SOX5: variants seen among roughly 807,000 people sequenced by gnomAD.
The protein encoded by SOX5 is transcription factor SOX-5.
A neutral mutation model predicts 92.0 loss-of-function variants in SOX5; 9 were observed. The ratio of observed to expected loss-of-function variants is 0.10; its 90% CI spans 0.06 to 0.17. The LOEUF (loss-of-function observed/expected upper bound fraction) is 0.17. Among genes scored for constraint, SOX5 ranks in the 10% least tolerant of loss-of-function variants. SOX5 has a pLI of 1.00. For missense variants in SOX5, 642 were observed against 944.5 expected, an observed-to-expected ratio of 0.68 and a Z score of 4.20; for synonymous variants, 344 against 336.3, an observed-to-expected ratio of 1.02 and a Z score of -0.25.
intron 4 of SOX5, among the ~76,000 whole-genome samples, chr12:24,095,239 G>A (rs1945259520): frequency 6.6e-6 from 1 of 151,516 alleles, no homozygotes; most frequent in South Asian, 2.1e-4. Flanking sequence ...TCTCAAAAGA[G>A]CAAGAGAAAG....
chr12:24,263,534 A>AAC (rs1942518295), intron 3 of SOX5, among the ~76,000 whole-genome samples: 1 of 141,956 alleles, frequency 7.0e-6, no homozygotes, highest in Admixed American at 6.8e-5. Flanking sequence ...TCTCAAAAAA[A>AAC]AAAAAACAAA....
In SOX5 at chr12:23,533,953, G is replaced by A. The variant is rs1939632522; in HGVS notation, c.*266C>T. 3.1e-6 allele frequency: 1 copy of A among 325,224 alleles called. No individual in the cohort carries two copies. The highest frequency in any genetic ancestry group is 4.5e-5 in the Admixed American group (1 of 22,150). 20.1% of individuals were successfully genotyped at this position (325,224 alleles called of 1,614,324 possible). A position where few individuals can be genotyped will look rare whatever the true frequency, so the allele number is the denominator to read the frequency against. The stretch of plus-strand genomic sequence containing the variant: ...ACGGGTAAGACTTCAGTGCTTGGAT[G>A]TAGCAGCTGAATTACTGGCATTATT... On this transcript the variant is annotated 3_prime_UTR_variant, in exon 15 of 15. Transcript: ENST00000451604.
At chr12:23,915,283 C>T (rs2138581202) in intron 1 of SOX5, among the ~76,000 whole-genome samples, 1 of 152,186 alleles carries the variant, frequency 6.6e-6, no homozygotes, top group South Asian at 2.1e-4. Context: ...ATCATTTAAA[C>T]CACTTAGCTC....
At chr12:23,751,385 T>TAA (rs2094175551) in intron 4 of SOX5, among the ~76,000 whole-genome samples, 1 of 151,940 alleles carries the variant, frequency 6.6e-6, no homozygotes, top group Non-Finnish European at 1.5e-5. Context: ...TGAAGTGATA[T>TAA]AAACCCTTAC....
intron 1 of SOX5, among the ~76,000 whole-genome samples, chr12:24,499,316 T>G (rs2138099702): frequency 6.6e-6 from 1 of 152,310 alleles, no homozygotes; most frequent in South Asian, 2.1e-4. Context: ...AATAGGGCTG[T>G]AGGGCTTAAG....
At chr12:23,716,795 T>C (rs1217538928) in intron 6 of SOX5, among the ~76,000 whole-genome samples, 3 of 152,236 alleles carry the variant, frequency 2.0e-5, no homozygotes, top group East Asian at 1.9e-4. Context: ...ATTAAGTGAC[T>C]TGTACAAAGT....
At chr12:23,745,684 C>T (rs1593958472) in intron 4 of SOX5, among the ~76,000 whole-genome samples, 1 of 152,146 alleles carries the variant, frequency 6.6e-6, no homozygotes, top group Non-Finnish European at 1.5e-5. Flanking sequence ...CTTCATGCTC[C>T]AGCTCATGCA....
chr12:24,522,772 A>G (rs1004732114), intron 1 of SOX5, among the ~76,000 whole-genome samples: 1 of 152,310 alleles, frequency 6.6e-6, no homozygotes, highest in East Asian at 1.9e-4. Flanking sequence ...GTATCTCAAC[A>G]GTAAAAGCCA....
At chr12:24,326,836 A>C (rs1433342801) in intron 2 of SOX5, among the ~76,000 whole-genome samples, 2 of 141,366 alleles carry the variant, frequency 1.4e-5, no homozygotes, top group East Asian at 4.0e-4. Flanking sequence ...TCATTCATAC[A>C]TACACACACA....
intron 1 of SOX5, among the ~76,000 whole-genome samples, chr12:23,911,314 G>A (rs1468456519): frequency 6.6e-6 from 1 of 151,912 alleles, no homozygotes; most frequent in African/African-American, 2.4e-5. Flanking sequence ...CACTAAGGAA[G>A]ACACCATTCT....
intron 3 of SOX5, among the ~76,000 whole-genome samples, chr12:23,763,843 G>A (rs544910831): frequency 2.0e-5 from 3 of 152,116 alleles, no homozygotes; most frequent in East Asian, 1.9e-4. Context: ...TATTAGCACT[G>A]AGCCCTGTCC....
At chr12:24,076,957 T>C (rs1451460049) in intron 4 of SOX5, among the ~76,000 whole-genome samples, 3 of 152,140 alleles carry the variant, frequency 2.0e-5, no homozygotes, top group African/African-American at 7.2e-5. Flanking sequence ...ATCCAAGCCC[T>C]AGGAATAAAC....
At chr12:24,087,492 A>G (rs1484701264) in intron 4 of SOX5, among the ~76,000 whole-genome samples, 1 of 152,122 alleles carries the variant, frequency 6.6e-6, no homozygotes, top group Non-Finnish European at 1.5e-5. Flanking sequence ...AGTGTCAGGC[A>G]GATTTACTTG....
chr12:24,532,814 T>C (rs1001122545), intron 1 of SOX5, among the ~76,000 whole-genome samples: 6 of 152,188 alleles, frequency 3.9e-5, no homozygotes, highest in Admixed American at 6.5e-5. Flanking sequence ...AAGTGTCATA[T>C]AGAAAAGCAC....
At chr12:24,337,608 G>C (rs886222641) in intron 2 of SOX5, among the ~76,000 whole-genome samples, 1 of 152,188 alleles carries the variant, frequency 6.6e-6, no homozygotes, top group East Asian at 1.9e-4. Context: ...CCAAAGTGCT[G>C]GGATTACAAG....
chr12:24,500,170 C>A (rs1026701419), intron 1 of SOX5, among the ~76,000 whole-genome samples: 1 of 152,062 alleles, frequency 6.6e-6, no homozygotes, highest in East Asian at 1.9e-4. Flanking sequence ...GAGTGTTTTA[C>A]AAAGTAACGA....
chr12:23,601,275 T>C (rs10771006), intron 9 of SOX5, among the ~76,000 whole-genome samples: 36,107 of 151,980 alleles, frequency 0.24, 5,258 homozygotes, highest in African/African-American at 0.4. Context: ...TTTGTTTGTG[T>C]CCCTCTCTAG....
At chr12:24,062,662 C>G (rs375945728) in intron 4 of SOX5, among the ~76,000 whole-genome samples, 1 of 152,122 alleles carries the variant, frequency 6.6e-6, no homozygotes, top group South Asian at 2.1e-4. Context: ...GTGGGCCACC[C>G]ACAGAAAATT....
intron 4 of SOX5, among the ~76,000 whole-genome samples, chr12:23,960,197 C>A (rs1946732425): frequency 6.6e-6 from 1 of 151,932 alleles, no homozygotes; most frequent in Non-Finnish European, 1.5e-5. Flanking sequence ...CAAACCAGAG[C>A]CCACATATGT....
Sources: gnomAD v4.1 joint callset for allele counts (sites outside exome capture counted in the v4.1 genomes callset) on GRCh38, gnomAD v4.1.1 for gene constraint, MANE v1.5 for transcripts, NCBI Gene and HGNC (gene_info 2026-07-23, HGNC 2026-07-21) for gene names.